ADCY2: variants seen among roughly 807,000 people sequenced by gnomAD.
ADCY2 encodes the protein adenylate cyclase type 2.
Under a neutral mutation model 125.2 loss-of-function variants are expected in ADCY2, and 31 were observed. That is an observed-to-expected ratio of 0.25 (90% CI 0.19 to 0.33). The LOEUF (loss-of-function observed/expected upper bound fraction) is 0.33, where lower values mean the gene tolerates loss of function less well. Among genes scored for constraint, ADCY2 ranks in the 10% least tolerant of loss-of-function variants. The pLI is 1.00. For synonymous variants in ADCY2, 512 were observed against 548.4 expected (o/e 0.93, Z 0.93); for missense variants, 904 against 1,418.2 (o/e 0.64, Z 5.82).
chr5:7,497,629 A>G (rs1208333786), intron 2 of ADCY2, among the ~76,000 whole-genome samples: 2 of 152,152 alleles, frequency 1.3e-5, no homozygotes, highest in African/African-American at 4.8e-5. Context: ...AGAAATTAGC[A>G]AGCACCTATG....
chr5:7,583,226 T>A (rs1001470767), intron 3 of ADCY2, among the ~76,000 whole-genome samples: 2 of 152,034 alleles, frequency 1.3e-5, no homozygotes, highest in Admixed American at 6.6e-5. Context: ...ACTTTACTCA[T>A]GAATTGGAAA....
At chr5:7,541,571 G>A (rs371267909) in intron 3 of ADCY2, among the ~76,000 whole-genome samples, 1 of 152,220 alleles carries the variant, frequency 6.6e-6, no homozygotes, top group Non-Finnish European at 1.5e-5. Context: ...AATGGACCAG[G>A]TGGCCCACAA....
intron 2 of ADCY2, among the ~76,000 whole-genome samples, chr5:7,461,057 C>T (rs1741899414): frequency 6.6e-6 from 1 of 152,164 alleles, no homozygotes; most frequent in South Asian, 2.1e-4. Flanking sequence ...AGGCCTGGCT[C>T]CTTGCTGTCC....
intron 3 of ADCY2, among the ~76,000 whole-genome samples, chr5:7,589,212 G>T (rs901924432): frequency 6.6e-6 from 1 of 151,848 alleles, no homozygotes; most frequent in South Asian, 2.1e-4. Context: ...TTTCTAAAGG[G>T]TTTGCTACTG....
intron 1 of ADCY2, among the ~76,000 whole-genome samples, chr5:7,406,226 C>T (rs1739484410): frequency 6.6e-6 from 1 of 152,158 alleles, no homozygotes; most frequent in African/African-American, 2.4e-5. Flanking sequence ...AAAGTCTTGT[C>T]TGTGAAGGGC....
In ADCY2 at chr5:7,564,775, A is replaced by G. The variant is rs922574893; in HGVS notation, c.570+43876A>G. The stretch of plus-strand genomic sequence containing the variant: ...TGGGTCCCGGGCACCGCCACTACCT[A>G]ACAGAGCTCAAATAAAGCATAGCGA... On this transcript the variant is annotated intron_variant, in intron 3 of 24. Coordinates refer to ENST00000338316, the MANE Select transcript of ADCY2 (RefSeq NM_020546.3). 2.6e-5 allele frequency among the ~76,000 whole-genome samples: 4 copies of G among 152,310 alleles called. No individual in the cohort carries two copies. The South Asian group carries it at 8.3e-4, about 32-fold the overall frequency.
At chr5:7,625,044 G>A (rs1272617418) in intron 3 of ADCY2, among the ~76,000 whole-genome samples, 3 of 152,174 alleles carry the variant, frequency 2.0e-5, no homozygotes, top group Non-Finnish European at 4.4e-5. Flanking sequence ...TTTCCTGAGA[G>A]CAATTTTGCA....
intron 1 of ADCY2, among the ~76,000 whole-genome samples, chr5:7,401,763 C>T (rs1739271890): frequency 6.6e-6 from 1 of 152,156 alleles, no homozygotes; most frequent in African/African-American, 2.4e-5. Flanking sequence ...TAATTTAAAA[C>T]CGAATATTCT....
chr5:7,535,348 A>T lies in ADCY2; in HGVS notation c.570+14449A>T, dbSNP rs375806312. Among the ~76,000 whole-genome samples the T allele has an allele frequency of 2.0e-5, 3 of 152,360 alleles. No individual in the cohort carries two copies. The East Asian group carries it at 5.8e-4, about 29-fold the overall frequency. ...ACAGTTTTATTTGCAGTGAGTACACATAGTATTAAATGGATGCATGATTGA... is the reference window on the plus strand; with the variant it reads ...ACAGTTTTATTTGCAGTGAGTACACTTAGTATTAAATGGATGCATGATTGA... On this transcript the variant is annotated intron_variant, in intron 3 of 24. Coordinates refer to ENST00000338316, the MANE Select transcript of ADCY2 (RefSeq NM_020546.3).
At chr5:7,631,099 A>T (rs1738295933) in intron 4 of ADCY2, among the ~76,000 whole-genome samples, 1 of 151,964 alleles carries the variant, frequency 6.6e-6, no homozygotes, top group Non-Finnish European at 1.5e-5. Flanking sequence ...CCTGTCTCTG[A>T]CTTTTGATTC....
chr5:7,801,318 C>T (rs962848084), intron 20 of ADCY2: 5 of 152,306 alleles, frequency 3.3e-5, no homozygotes, highest in African/African-American at 1.2e-4. Flanking sequence ...AACCATTTTT[C>T]CCTCCCCTCA....
chr5:7,651,670 G>A (rs966689780), intron 4 of ADCY2, among the ~76,000 whole-genome samples: 17 of 152,002 alleles, frequency 1.1e-4, no homozygotes, highest in Non-Finnish European at 2.2e-4. Context: ...ATATCCTTTG[G>A]CAACACCCTC....
chr5:7,753,101 G>A (rs1742877098), intron 15 of ADCY2, among the ~76,000 whole-genome samples: 1 of 152,006 alleles, frequency 6.6e-6, no homozygotes, highest in South Asian at 2.1e-4. Context: ...GTTTCACCAT[G>A]TTGGCCAGGA....
intron 2 of ADCY2, among the ~76,000 whole-genome samples, chr5:7,490,166 A>G (rs1193116341): frequency 6.6e-6 from 1 of 152,196 alleles, no homozygotes; most frequent in Non-Finnish European, 1.5e-5. Context: ...TAAAATATAC[A>G]TAATTGACAT....
Position 7,396,543 on chromosome 5 carries a change from C to T in ADCY2, c.210+37C>T. The T allele has an allele frequency of 2.6e-6, 4 of 1,527,286 alleles. No homozygotes were observed. Among genetic ancestry groups the T allele is most frequent in the Admixed American group, 1.9e-5 (1 of 52,030 alleles). The allele number at this position is 1,527,286 out of a possible 1,614,324, so 94.6% of individuals were successfully genotyped here. A position where few individuals can be genotyped will look rare whatever the true frequency, so the allele number is the denominator to read the frequency against. On this transcript the variant is annotated intron_variant, in intron 1 of 24. Transcript: ENST00000338316. The surrounding 1 kb of genome is among the most constrained non-coding windows in gnomAD (Gnocchi z 5.7). ...CCCCGCGGGTCCAGCGCCGCGCCTT[C>T]CCCGGCCCTGAGAGGAGCCCGGCCA...
chr5:7,765,938 CGAGA>C (rs145505658), intron 16 of ADCY2, among the ~76,000 whole-genome samples: 6 of 149,454 alleles, frequency 4.0e-5, no homozygotes, highest in African/African-American at 1.5e-4. Context: ...AGCGAGCGAG[CGAGA>C]GAGAGAGAGA....
chr5:7,466,608 G>A (rs1301709848), intron 2 of ADCY2, among the ~76,000 whole-genome samples: 1 of 152,166 alleles, frequency 6.6e-6, no homozygotes. Flanking sequence ...GAAGAGAAGT[G>A]AAAACACCAC....
chr5:7,404,708 TA>T (rs1263779905), intron 1 of ADCY2, among the ~76,000 whole-genome samples: 1 of 152,214 alleles, frequency 6.6e-6, no homozygotes, highest in Admixed American at 6.5e-5. Context: ...CCATAAAACT[TA>T]ATGACTGGAA....
intron 4 of ADCY2, among the ~76,000 whole-genome samples, chr5:7,684,534 G>A (rs1740449033): frequency 1.3e-5 from 2 of 152,200 alleles, no homozygotes; most frequent in South Asian, 4.1e-4. Context: ...GACTTGATTA[G>A]CACTTTCTTC....
Sources: gnomAD v4.1 joint callset for allele counts (sites outside exome capture counted in the v4.1 genomes callset) on GRCh38, gnomAD v4.1.1 for gene constraint, Gnocchi (gnomAD v3.1) non-coding constraint, MANE v1.5 for transcripts, NCBI Gene and HGNC (gene_info 2026-07-23, HGNC 2026-07-21) for gene names.